Variants in CSPP1 observed in about 807,000 individuals in gnomAD.
The protein encoded by CSPP1 is centrosome and spindle pole-associated protein 1.
Under a neutral mutation model 164.4 loss-of-function variants are expected in CSPP1, and 126 were observed. The observed-to-expected ratio is 0.77, with a 90% CI of 0.66 to 0.89. The LOEUF is 0.89. Among genes scored for constraint, CSPP1 ranks in the 40% least tolerant of loss-of-function variants. CSPP1 has a pLI of 0.00. For synonymous variants in CSPP1, 472 were observed against 476.7 expected (o/e 0.99, Z 0.13); for missense variants, 1,395 against 1,449.8 (o/e 0.96, Z 0.61).
chr8:67,072,951 T>C (rs1053393038), intron 1 of CSPP1, among the ~76,000 whole-genome samples: 1 of 150,548 alleles, frequency 6.6e-6, no homozygotes, highest in Admixed American at 6.6e-5. Context: ...TTCCCAATGA[T>C]TATATGTATG....
At chr8:67,161,471 T>TC (rs1380092022) in intron 21 of CSPP1, among the ~76,000 whole-genome samples, 3 of 152,210 alleles carry the variant, frequency 2.0e-5, no homozygotes, top group Non-Finnish European at 4.4e-5. Context: ...TTTTTTTGTA[T>TC]TGTCATGGTA....
chr8:67,130,382 A>G (rs1202614041), intron 15 of CSPP1, among the ~76,000 whole-genome samples: 1 of 152,186 alleles, frequency 6.6e-6, no homozygotes, highest in Non-Finnish European at 1.5e-5. Flanking sequence ...ATATTGAGAG[A>G]ACCTGTCCAC....
rs201306052 is a variant in CSPP1, at chr8:67,119,303, G to A, written c.1697+482G>A. Among the ~76,000 whole-genome samples, 4 of 152,224 alleles carry A rather than the reference G, an allele frequency of 2.6e-5. No individual in the cohort carries two copies. The East Asian group carries it at 7.7e-4, about 29-fold the overall frequency. On this transcript the variant is annotated intron_variant, in intron 15 of 30. Transcript: ENST00000678616. Reference sequence around the variant, plus strand: ...CATTTATCCATTAGTGGACACTTTGGATTGCTTCCACATTTTGGCTATTTG... The same window carrying A: ...CATTTATCCATTAGTGGACACTTTGAATTGCTTCCACATTTTGGCTATTTG...
intron 15 of CSPP1, among the ~76,000 whole-genome samples, chr8:67,121,105 A>G (rs1027812269): frequency 6.6e-6 from 1 of 152,072 alleles, no homozygotes; most frequent in Non-Finnish European, 1.5e-5. Context: ...TGCCTGCCTC[A>G]GCCTCCCAAA....
At chr8:67,086,941 T>C (rs566141775) in intron 4 of CSPP1, 1 of 587,650 alleles carries the variant, frequency 1.7e-6, no homozygotes. Flanking sequence ...ATTTATGAGA[T>C]TCAAACCAAT....
At chr8:67,191,634 T>C (rs1398702697) in intron 29 of CSPP1, among the ~76,000 whole-genome samples, 1 of 152,254 alleles carries the variant, frequency 6.6e-6, no homozygotes, top group East Asian at 1.9e-4. Flanking sequence ...AATTTTCCAC[T>C]GTATTAGTAT....
intron 17 of CSPP1, among the ~76,000 whole-genome samples, chr8:67,144,923 T>A (rs894894842): frequency 5.4e-5 from 8 of 147,604 alleles, no homozygotes; most frequent in South Asian, 2.1e-4. Context: ...AAAAAAAAAA[T>A]TAGCTGTGTG....
rs757510042 is a variant in CSPP1 at position 67,095,415 on chromosome 8, A to G, written c.606A>G (p.Ala202=). ...AAGATGTCTTAACTCCTTCAGAGGC[A>G]TATGAAGAACTTCTGAACCAAAGAC... ...PRKDVLTPSE[A]YEELLNQRRL... Residue 202 remains alanine, a synonymous_variant, in exon 7 of 31, where the codon GCA becomes GCG. Coordinates refer to ENST00000678616, the MANE Select transcript of CSPP1 (RefSeq NM_001382391.1). 7 of 1,612,832 alleles carry G rather than the reference A, an allele frequency of 4.3e-6. No homozygotes were observed. Among genetic ancestry groups the G allele is most frequent in the Non-Finnish European group, 5.9e-6 (7 of 1,179,238 alleles).
chr8:67,192,773 C>T (rs1836733488), intron 29 of CSPP1, among the ~76,000 whole-genome samples: 1 of 152,162 alleles, frequency 6.6e-6, no homozygotes. Flanking sequence ...GACTGTTCTC[C>T]CACTGCATTT....
At chr8:67,164,917 G>C (rs930278315) in intron 24 of CSPP1, among the ~76,000 whole-genome samples, 1 of 152,140 alleles carries the variant, frequency 6.6e-6, no homozygotes, top group African/African-American at 2.4e-5. Flanking sequence ...AATCAACATA[G>C]TGGGTAACTA....
intron 29 of CSPP1, among the ~76,000 whole-genome samples, chr8:67,191,690 T>C (rs566844496): frequency 6.6e-6 from 1 of 152,358 alleles, no homozygotes; most frequent in South Asian, 2.1e-4. Flanking sequence ...TGGGTTGTTT[T>C]CACTTTTTAG....
chr8:67,118,363 G>C lies in CSPP1; in HGVS notation c.1612G>C (p.Ala538Pro), dbSNP rs1211264471. Residue 538 changes from alanine to proline, a missense_variant, in exon 14 of 31, where the codon GCT (alanine) becomes CCT (proline). Ala to Pro is a conservative substitution (Grantham distance 27). Coordinates refer to ENST00000678616, the MANE Select transcript of CSPP1 (RefSeq NM_001382391.1). ...CAGGAATACTTTCGATCCCAGTCTT[G>C]CTTATTGTAAGTTATCTATAGGGTA... ...GSRNTFDPSL[A>P]YYGSGMMGVQ... The C allele has an allele frequency of 2.5e-6, 4 of 1,613,278 alleles. No homozygotes were observed. Among genetic ancestry groups the C allele is most frequent in the Non-Finnish European group, 3.4e-6 (4 of 1,179,602 alleles).
At chr8:67,104,859 C>T (rs1056633142) in intron 8 of CSPP1, among the ~76,000 whole-genome samples, 2 of 148,980 alleles carry the variant, frequency 1.3e-5, no homozygotes, top group African/African-American at 2.5e-5. Flanking sequence ...AGGCTGGTCT[C>T]GAACTCCTGA....
At chr8:67,118,483 G>T in intron 14 of CSPP1, 114 bp downstream of exon 14, 1 of 1,067,836 alleles carries the variant, frequency 9.4e-7, no homozygotes, top group Non-Finnish European at 1.4e-6. Flanking sequence ...GCTTAATTCA[G>T]ATGTTATATA....
At chr8:67,146,548 T>C (rs948663945) in intron 17 of CSPP1, among the ~76,000 whole-genome samples, 1 of 152,212 alleles carries the variant, frequency 6.6e-6, no homozygotes, top group African/African-American at 2.4e-5. Flanking sequence ...TTTTGATATA[T>C]GTATTGTTAG....
At chr8:67,140,840 T>A (rs1170245361) in intron 17 of CSPP1, among the ~76,000 whole-genome samples, 1 of 152,192 alleles carries the variant, frequency 6.6e-6, no homozygotes, top group Non-Finnish European at 1.5e-5. Context: ...CTTTTCTTCT[T>A]GTCCAGGGAC....
At chr8:67,128,224 A>G (rs1264729115) in intron 15 of CSPP1, among the ~76,000 whole-genome samples, 1 of 152,152 alleles carries the variant, frequency 6.6e-6, no homozygotes, top group Non-Finnish European at 1.5e-5. Context: ...GATCTTTTTC[A>G]GCTTTGGTGA....
chr8:67,092,731 C>G (rs773309352), intron 5 of CSPP1, among the ~76,000 whole-genome samples: 2 of 152,212 alleles, frequency 1.3e-5, no homozygotes, highest in African/African-American at 4.8e-5. Context: ...GCGTGAGCCA[C>G]CGCTCCCAGC....
intron 3 of CSPP1, among the ~76,000 whole-genome samples, chr8:67,080,600 G>T (rs1808942464): frequency 6.6e-6 from 1 of 152,176 alleles, no homozygotes; most frequent in South Asian, 2.1e-4. Flanking sequence ...GGGTCACCAG[G>T]ACACCTTCAG....
Sources: gnomAD v4.1 joint callset for allele counts (sites outside exome capture counted in the v4.1 genomes callset) on GRCh38, gnomAD v4.1.1 for gene constraint, MANE v1.5 for transcripts, NCBI Gene and HGNC (gene_info 2026-07-23, HGNC 2026-07-21) for gene names.